Variants in PLXNA4 observed in about 807,000 individuals in gnomAD.
The protein encoded by PLXNA4 is plexin A4.
PLXNA4 carries 44 observed loss-of-function variants against 191.8 expected under a neutral mutation model. The observed-to-expected ratio is 0.23, with a 90% confidence interval of 0.18 to 0.29. The LOEUF (loss-of-function observed/expected upper bound fraction) is 0.29, where lower values mean the gene tolerates loss of function less well. PLXNA4 is among the 10% of genes least tolerant of loss of function. The pLI, the probability that PLXNA4 is intolerant of heterozygous loss-of-function variation, is 1.00. For missense variants in PLXNA4, 1,800 were observed against 2,488.8 expected (o/e 0.72, Z 5.89); for synonymous variants, 1,082 against 1,009.5 (o/e 1.07, Z -1.36).
chr7:132,555,121 C>G (rs1380470168), intron 1 of PLXNA4, among the ~76,000 whole-genome samples: 1 of 150,920 alleles, frequency 6.6e-6, no homozygotes. Context: ...AGATATCACT[C>G]CAGGTCCTAT....
intron 1 of PLXNA4, among the ~76,000 whole-genome samples, chr7:132,566,295 C>T (rs190919450): frequency 5.9e-5 from 9 of 151,394 alleles, no homozygotes; most frequent in African/African-American, 2.0e-4. Context: ...CACACTCTCC[C>T]TCTCTCTCTC....
rs1563048001 is a variant in PLXNA4 at position 132,132,423 on chromosome 7, TTCTGTTCTGTTCTGTTC to T, written c.5589+609_5589+625del. Reference sequence around the variant, plus strand: ...TTCTGTTCTGTTCTGTTCTGTTCTGTTCTGTTCTGTTCTGTTCTGTTCTGTTCTGTTCTGTTCTGTTC... The same window carrying T: ...TTCTGTTCTGTTCTGTTCTGTTCTGTTGTTCTGTTCTGTTCTGTTCTGTTC... On this transcript the variant is annotated intron_variant, in intron 31 of 31. Transcript: ENST00000321063. 1.9e-3 allele frequency among the ~76,000 whole-genome samples: 147 copies of T among 75,736 alleles called. 1 individual carries two copies. The highest frequency in any genetic ancestry group is 7.2e-3 in the African/African-American group (144 of 20,016). The allele number at this position is 75,736 out of a possible 152,430, so 49.7% of individuals were successfully genotyped here. A position where few individuals can be genotyped will look rare whatever the true frequency, so the allele number is the denominator to read the frequency against.
intron 26 of PLXNA4, among the ~76,000 whole-genome samples, chr7:132,148,282 C>G (rs539367610): frequency 6.6e-6 from 1 of 152,184 alleles, no homozygotes; most frequent in East Asian, 1.9e-4. Flanking sequence ...GCCTTAAATG[C>G]CCAGAGGAAC....
intron 21 of PLXNA4, among the ~76,000 whole-genome samples, chr7:132,168,961 C>T (rs1306704434): frequency 6.6e-6 from 1 of 152,172 alleles, no homozygotes; most frequent in East Asian, 1.9e-4. Context: ...TGGTTTACAC[C>T]CTGAGAATCC....
intron 3 of PLXNA4, among the ~76,000 whole-genome samples, chr7:132,325,398 T>C (rs1802319079): frequency 2.0e-5 from 3 of 152,214 alleles, no homozygotes; most frequent in Admixed American, 2.0e-4. Context: ...AAACAGTTGT[T>C]ATGGGTTGAA....
chr7:132,224,450 T>C (rs537716188), intron 8 of PLXNA4, among the ~76,000 whole-genome samples: 1 of 152,152 alleles, frequency 6.6e-6, no homozygotes, highest in African/African-American at 2.4e-5. Flanking sequence ...GGCCATCTTG[T>C]GTCATATCTC....
At chr7:132,490,423 CTTTTTTTTTTTTT>C (rs35467841) in intron 2 of PLXNA4, among the ~76,000 whole-genome samples, 5 of 110,522 alleles carry the variant, frequency 4.5e-5, no homozygotes, top group Admixed American at 2.2e-4. Context: ...CCTTTTCTTC[CTTTTTTTTTTTTT>C]TTTTTTTGAG....
At chr7:132,611,842 T>C (rs897387829) in intron 2 of PLXNA4, among the ~76,000 whole-genome samples, 2 of 152,114 alleles carry the variant, frequency 1.3e-5, no homozygotes, top group African/African-American at 4.8e-5. Flanking sequence ...GCAACTAAAG[T>C]AACAGAAGTT....
At chr7:132,297,608 C>T (rs1034713382) in intron 4 of PLXNA4, among the ~76,000 whole-genome samples, 2 of 152,132 alleles carry the variant, frequency 1.3e-5, no homozygotes, top group African/African-American at 2.4e-5. Context: ...AAGTTCAGGC[C>T]GTGCCCTACC....
chr7:132,134,298 G>C (rs1795052513), intron 30 of PLXNA4, among the ~76,000 whole-genome samples: 1 of 152,176 alleles, frequency 6.6e-6, no homozygotes, highest in African/African-American at 2.4e-5. Context: ...TCTCCAACCA[G>C]GACCCTGTCT....
At chr7:132,162,670 G>A (rs1375568417) in intron 24 of PLXNA4, among the ~76,000 whole-genome samples, 1 of 152,014 alleles carries the variant, frequency 6.6e-6, no homozygotes, top group Non-Finnish European at 1.5e-5. Flanking sequence ...TTTAATCGGA[G>A]CCTCTCTCTC....
At chr7:132,539,430 T>C (rs1799979686) in intron 1 of PLXNA4, among the ~76,000 whole-genome samples, 1 of 152,198 alleles carries the variant, frequency 6.6e-6, no homozygotes, top group Admixed American at 6.5e-5. Context: ...TGGGAACTTA[T>C]CAGAAATGTA....
chr7:132,366,492 C>G (rs1804191940), intron 3 of PLXNA4, among the ~76,000 whole-genome samples: 1 of 151,824 alleles, frequency 6.6e-6, no homozygotes, highest in Non-Finnish European at 1.5e-5. Flanking sequence ...TGACTGCACT[C>G]CAGCCTGGGC....
chr7:132,379,412 A>T (rs1804800426), intron 3 of PLXNA4, among the ~76,000 whole-genome samples: 1 of 152,160 alleles, frequency 6.6e-6, no homozygotes. Context: ...CCCCTGGAGG[A>T]GGGAAAGAAA....
At chr7:132,240,536 C>G (rs1037830200) in intron 5 of PLXNA4, among the ~76,000 whole-genome samples, 1 of 152,182 alleles carries the variant, frequency 6.6e-6, no homozygotes, top group Non-Finnish European at 1.5e-5. Context: ...GTGGGAGGGT[C>G]CTCAGGTGCT....
At chr7:132,177,734 A>AAT (rs1486456054) in intron 20 of PLXNA4, among the ~76,000 whole-genome samples, 1 of 152,228 alleles carries the variant, frequency 6.6e-6, no homozygotes, top group African/African-American at 2.4e-5. Flanking sequence ...AAGAGATTCT[A>AAT]ATCACTACAC....
At chr7:132,579,238 G>A (rs903789465), upstream of PLXNA4, among the ~76,000 whole-genome samples, 12 of 152,078 alleles carry the variant, frequency 7.9e-5, no homozygotes, top group South Asian at 4.1e-4. Flanking sequence ...AAGGAATATC[G>A]TTCAATTAAA....
At chr7:132,309,499 T>C (rs1403171136) in intron 3 of PLXNA4, among the ~76,000 whole-genome samples, 2 of 152,134 alleles carry the variant, frequency 1.3e-5, no homozygotes, top group Non-Finnish European at 2.9e-5. Flanking sequence ...TGTTCATCTC[T>C]GCCCCCACAC....
intron 3 of PLXNA4, among the ~76,000 whole-genome samples, chr7:132,467,685 C>T (rs1361890815): frequency 6.6e-6 from 1 of 152,158 alleles, no homozygotes; most frequent in African/African-American, 2.4e-5. Context: ...CCTAGGGACC[C>T]AGACTCCCAG....
Sources: gnomAD v4.1 joint callset for allele counts (sites outside exome capture counted in the v4.1 genomes callset) on GRCh38, gnomAD v4.1.1 for gene constraint, MANE v1.5 for transcripts, NCBI Gene and HGNC (gene_info 2026-07-23, HGNC 2026-07-21) for gene names.